The following KLF17 variants were observed in gnomAD, a reference collection of about 807,000 sequenced individuals.
The protein encoded by KLF17 is KLF transcription factor 17.
A neutral mutation model predicts 34.2 loss-of-function variants in KLF17; 31 were observed. The observed-to-expected ratio is 0.91, with a 90% confidence interval of 0.68 to 1.22. The LOEUF (loss-of-function observed/expected upper bound fraction) is 1.22, where lower values mean the gene tolerates loss of function less well. Ranked by LOEUF, KLF17 falls within the 50% of genes most tolerant of loss-of-function variation. KLF17 has a pLI of 0.00. For missense variants in KLF17, 478 were observed against 505.2 expected (o/e 0.95, Z 0.52); for synonymous variants, 179 against 186.7 (o/e 0.96, Z 0.34).
chr1:44,099,063 C>A, the KLF17 span, among the ~76,000 whole-genome samples: 5 of 151,872 alleles, frequency 3.3e-5, no homozygotes, highest in African/African-American at 9.7e-5. Context: ...AAGCAAAGTG[C>A]AAAAGAGTAT....
At chr1:44,113,998 G>T, upstream of KLF17, 1 of 152,436 alleles carries the variant, frequency 6.6e-6, no homozygotes. Flanking sequence ...TGTGTCTACA[G>T]GATGGACTGT....
intron 2 of KLF17, 148 bp from the exon 3 acceptor site, chr1:44,130,364 T>G: frequency 2.4e-5 from 33 of 1,368,350 alleles, no homozygotes; most frequent in Non-Finnish European, 3.2e-5. Context: ...CCAAGATGAC[T>G]GGGGCGGGCA....
chr1:44,074,725 T>C, the KLF17 span: 2 of 152,220 alleles, frequency 1.3e-5, no homozygotes, highest in East Asian at 3.9e-4. Context: ...AATATTGGCA[T>C]TATCACAAGC....
the KLF17 span, among the ~76,000 whole-genome samples, chr1:44,091,221 A>T: frequency 6.7e-6 from 1 of 149,866 alleles, no homozygotes; most frequent in Non-Finnish European, 1.5e-5. Flanking sequence ...CAAAACAAAA[A>T]ATTTCATGAG....
chr1:44,108,624 T>C, the KLF17 span, among the ~76,000 whole-genome samples: 2 of 149,830 alleles, frequency 1.3e-5, no homozygotes, highest in African/African-American at 4.9e-5. Flanking sequence ...TAGTCTCTGA[T>C]AGGTGAGAGA....
intron 1 of KLF17, among the ~76,000 whole-genome samples, chr1:44,127,614 C>T (rs1452299740): frequency 1.0e-4 from 7 of 66,958 alleles, no homozygotes; most frequent in African/African-American, 2.2e-4. Flanking sequence ...TTCTTTCTTT[C>T]TTTTCTTTTC....
At chr1:44,062,326 A>G in the KLF17 span, among the ~76,000 whole-genome samples, 1 of 152,178 alleles carries the variant, frequency 6.6e-6, no homozygotes, top group Non-Finnish European at 1.5e-5. Context: ...CTTATTTTAT[A>G]TTATGCCTAT....
the KLF17 span, among the ~76,000 whole-genome samples, chr1:44,090,544 A>G: frequency 2.6e-5 from 4 of 152,116 alleles, no homozygotes; most frequent in Non-Finnish European, 4.4e-5. Context: ...AAACTGTGGA[A>G]GAGAAGAGGG....
chr1:44,090,306 C>CA, the KLF17 span, among the ~76,000 whole-genome samples: 876 of 23,374 alleles, frequency 0.037, 237 homozygotes, highest in African/African-American at 0.065. Flanking sequence ...CTTGTCTCTA[C>CA]AAAAAAAAAA....
chr1:44,124,203 G>A (rs554932547), intron 1 of KLF17, among the ~76,000 whole-genome samples: 2 of 151,280 alleles, frequency 1.3e-5, no homozygotes. Flanking sequence ...ACTTTCCAAA[G>A]TATTTTACTT....
chr1:44,109,863 A>ACC, the KLF17 span, among the ~76,000 whole-genome samples: 550 of 143,892 alleles, frequency 3.8e-3, 2 homozygotes, highest in African/African-American at 0.014. Flanking sequence ...ATATAATATG[A>ACC]CCCCCACAGC....
chr1:44,117,489 A>ATATTT (rs1571981367), upstream of KLF17: 1 of 140,718 alleles, frequency 7.1e-6, no homozygotes, highest in Non-Finnish European at 1.5e-5. Flanking sequence ...ATTTTATTTT[A>ATATTT]TATTTTATTT....
the KLF17 span, among the ~76,000 whole-genome samples, chr1:44,073,052 G>T: frequency 6.6e-6 from 1 of 151,638 alleles, no homozygotes; most frequent in Non-Finnish European, 1.5e-5. Context: ...GTCAGCAAAA[G>T]CTTATTGTAA....
upstream of KLF17, among the ~76,000 whole-genome samples, chr1:44,117,953 A>G (rs1414629413): frequency 6.6e-6 from 1 of 152,046 alleles, no homozygotes; most frequent in Non-Finnish European, 1.5e-5. Flanking sequence ...ATAAAATCCA[A>G]ATTCCTTTCT....
chr1:44,126,119 G>A (rs1366459212), intron 1 of KLF17, among the ~76,000 whole-genome samples: 2 of 151,802 alleles, frequency 1.3e-5, no homozygotes, highest in African/African-American at 4.8e-5. Flanking sequence ...TGCCTCCCGG[G>A]TTCACACCAT....
the KLF17 span, among the ~76,000 whole-genome samples, chr1:44,106,111 C>G: frequency 1.3e-5 from 2 of 152,098 alleles, no homozygotes; most frequent in Admixed American, 1.3e-4. Flanking sequence ...ATGAGGAGAC[C>G]TCATCACAGG....
the KLF17 span, among the ~76,000 whole-genome samples, chr1:44,055,992 A>G: frequency 6.6e-6 from 1 of 152,164 alleles, no homozygotes; most frequent in Middle Eastern, 3.2e-3. Flanking sequence ...CATAGTAAGG[A>G]TGCTTTCTTT....
Position 44,118,956 on chromosome 1 carries a change from A to G in KLF17, c.49A>G (p.Ser17Gly). The G allele has an allele frequency of 6.2e-7, 1 of 1,611,436 alleles. No homozygotes were observed. The highest frequency in any genetic ancestry group is 8.5e-7 in the Non-Finnish European group (1 of 1,179,024). The change falls in exon 1 of 4, where the codon AGC becomes GGC. Residue 17 changes from serine to glycine, a missense_variant. Physicochemically the swap from Ser to Gly is moderately conservative, Grantham distance 56. Transcript: ENST00000372299. Reference sequence around the variant, plus strand: ...GATGGAACAGGAGGCTGGGGAGCTGAGCCGGTGGCAGGCGGCGCACCAGGC... The same window carrying G: ...GATGGAACAGGAGGCTGGGGAGCTGGGCCGGTGGCAGGCGGCGCACCAGGC... The part of the protein sequence containing the change: ...AEMEQEAGEL[S>G]RWQAAHQAAQ...
the KLF17 span, among the ~76,000 whole-genome samples, chr1:44,053,171 G>T: frequency 6.6e-6 from 1 of 152,108 alleles, no homozygotes; most frequent in Non-Finnish European, 1.5e-5. Context: ...AAAGTGCTAG[G>T]ATTACAGATG....
Sources: allele counts gnomAD v4.1 joint callset (sites outside exome capture counted in the v4.1 genomes callset), GRCh38; gene constraint gnomAD v4.1.1; transcripts MANE v1.5; gene names NCBI Gene and HGNC (gene_info 2026-07-23, HGNC 2026-07-21).